Variants in DNAJB5 observed in about 807,000 individuals in gnomAD.
The protein encoded by DNAJB5 is dnaJ homolog subfamily B member 5.
Under a neutral mutation model 32.6 loss-of-function variants are expected in DNAJB5, and 12 were observed. The ratio of observed to expected loss-of-function variants is 0.37; its 90% CI spans 0.24 to 0.60. The LOEUF (loss-of-function observed/expected upper bound fraction) is 0.60. Ranked by LOEUF, DNAJB5 falls within the 20% of genes least tolerant of loss-of-function variation. DNAJB5 has a pLI of 0.71. For synonymous variants in DNAJB5, 188 were observed against 212.9 expected (o/e 0.88, Z 1.02); for missense variants, 358 against 554.2 (o/e 0.65, Z 3.55).
rs533709239 is a variant in DNAJB5, at chr9:34,993,306, C to T, written c.289C>T (p.Arg97Trp). ...CGAGGATGAGATCAAGAAAGCCTAC[C>T]GGAAGATGGCCTTGAAGTACCACCC... ...ANEDEIKKAY[R>W]KMALKYHPDK... The change falls in exon 3 of 5, where the codon CGG becomes TGG. Residue 97 changes from arginine (R) to tryptophan (W), a missense_variant. Physicochemically the swap from Arg to Trp is moderately radical, Grantham distance 101. Transcript: ENST00000682809. The surrounding 1 kb of genome is among the most constrained non-coding windows in gnomAD (Gnocchi z 4.7). 3 of 1,613,966 alleles carry T rather than the reference C, an allele frequency of 1.9e-6. No homozygotes were observed.
Position 34,990,436 on chromosome 9 carries a change from T to C in DNAJB5, c.-132-63T>C, listed in dbSNP as rs1046301857. On this transcript the variant is annotated intron_variant, in intron 1 of 4. Transcript: ENST00000682809. This position sits in a 1 kb window ranked among gnomAD's most constrained non-coding sequence, Gnocchi z 4.5. ...CAGCCGCTCACAGCCAGCCAGACAC[T>C]GCTGCACCTGAGAGCAGGTGGCCGC... 1 of 1,533,242 alleles carries C rather than the reference T, an allele frequency of 6.5e-7. No homozygotes were observed. The highest frequency in any genetic ancestry group is 8.7e-7 in the Non-Finnish European group (1 of 1,145,482). The allele number at this position is 1,533,242 out of a possible 1,614,324, so 95.0% of individuals were successfully genotyped here. A position where few individuals can be genotyped will look rare whatever the true frequency, so the allele number is the denominator to read the frequency against.
rs1009028374 is a variant in DNAJB5, at chr9:34,990,547, A to T, written c.-84A>T. The T allele has an allele frequency of 1.5e-5, 23 of 1,548,694 alleles. No individual in the cohort carries two copies. The highest frequency in any genetic ancestry group is 2.7e-5 in the African/African-American group (2 of 73,000). ...AGGCCTTGCTGGGCACGCGCCTCTG[A>T]GAGTCCAAGGAGGTGGCTTCCAGAG... is the stretch of plus-strand genomic sequence containing the variant. On this transcript the variant is annotated 5_prime_UTR_variant, in exon 2 of 5. Transcript: ENST00000682809. This position sits in a 1 kb window ranked among gnomAD's most constrained non-coding sequence, Gnocchi z 4.5.
In DNAJB5 at chr9:34,993,224, A is replaced by G; in HGVS notation, c.207A>G (p.Pro69=). 1 of 1,613,964 alleles carries G rather than the reference A, an allele frequency of 6.2e-7. No individual in the cohort carries two copies. Among genetic ancestry groups the G allele is most frequent in the Middle Eastern group, 1.6e-4 (1 of 6,062 alleles). Residue 69 remains proline, a synonymous_variant, in exon 3 of 5, where the codon CCA becomes CCG. Transcript: ENST00000682809. The surrounding 1 kb of genome is among the most constrained non-coding windows in gnomAD (Gnocchi z 4.7). ...KFRNKETSAG[P]VAVMGKDYYK... ...GAAACAAGGAGACCAGTGCTGGTCC[A>G]GTGGCTGTGATGGGAAAAGATTATT...
chr9:34,990,120 C>A lies in DNAJB5; in HGVS notation c.-133+289C>A. ...CTGTGAGCAGACCAGCCAGCCAGCG[C>A]GGGTGACATCACCGACCACCCTCCC... On this transcript the variant is annotated intron_variant, in intron 1 of 4. Coordinates refer to ENST00000682809, the MANE Select transcript of DNAJB5 (RefSeq NM_001349723.3). This position sits in a 1 kb window ranked among gnomAD's most constrained non-coding sequence, Gnocchi z 4.5. 1.3e-6 allele frequency: 1 copy of A among 784,020 alleles called. No homozygotes were observed. Among genetic ancestry groups the A allele is most frequent in the Non-Finnish European group, 1.9e-6 (1 of 519,314 alleles). The allele number at this position is 784,020 out of a possible 1,614,324, so 48.6% of individuals were successfully genotyped here. A position where few individuals can be genotyped will look rare whatever the true frequency, so the allele number is the denominator to read the frequency against.
rs777755765 is a variant in DNAJB5 at position 34,990,430 on chromosome 9, A to T, written c.-132-69A>T. The T allele has an allele frequency of 1.3e-4, 201 of 1,532,708 alleles. No homozygotes were observed. The highest frequency in any genetic ancestry group is 1.7e-4 in the Non-Finnish European group (194 of 1,145,228). The allele number at this position is 1,532,708 out of a possible 1,614,324, so 94.9% of individuals were successfully genotyped here. A position where few individuals can be genotyped will look rare whatever the true frequency, so the allele number is the denominator to read the frequency against. On this transcript the variant is annotated intron_variant, in intron 1 of 4. Transcript: ENST00000682809. This position sits in a 1 kb window ranked among gnomAD's most constrained non-coding sequence, Gnocchi z 4.5. ...GCCATACAGCCGCTCACAGCCAGCCAGACACTGCTGCACCTGAGAGCAGGT... is the reference window on the plus strand; with the variant it reads ...GCCATACAGCCGCTCACAGCCAGCCTGACACTGCTGCACCTGAGAGCAGGT...
chr9:34,990,905 C>A lies in DNAJB5; in HGVS notation c.182+93C>A. The A allele has an allele frequency of 7.6e-7, 1 of 1,313,366 alleles. No homozygotes were observed. Among genetic ancestry groups the A allele is most frequent in the Non-Finnish European group, 1.0e-6 (1 of 968,610 alleles). 81.4% of individuals were successfully genotyped at this position (1,313,366 alleles called of 1,614,324 possible). On this transcript the variant is annotated intron_variant, in intron 2 of 4. Coordinates refer to ENST00000682809, the MANE Select transcript of DNAJB5 (RefSeq NM_001349723.3). This position sits in a 1 kb window ranked among gnomAD's most constrained non-coding sequence, Gnocchi z 4.5. Reference sequence around the variant, plus strand: ...CATTGCCTTCCTGCTTCCTCCAACTCATCCTCATCCCCTCTGTGACATACA... The same window carrying A: ...CATTGCCTTCCTGCTTCCTCCAACTAATCCTCATCCCCTCTGTGACATACA...
downstream of DNAJB5, chr9:34,998,649 C>G: frequency 6.6e-6 from 1 of 152,048 alleles, no homozygotes; most frequent in East Asian, 1.9e-4. Flanking sequence ...GAAGAAACAT[C>G]TATTTGGGAA....
At position 34,997,533 on chromosome 9, in the gene DNAJB5, A is replaced by G. The variant is rs971655326; in HGVS notation, c.*274A>G. ...ATCCAGTTTCCACTGCAGTGGCTGGAGAGTGACCTGAGTGCTACTTGAAGA... is the reference window on the plus strand; with the variant it reads ...ATCCAGTTTCCACTGCAGTGGCTGGGGAGTGACCTGAGTGCTACTTGAAGA... On this transcript the variant is annotated 3_prime_UTR_variant, in exon 5 of 5. Transcript: ENST00000682809. The surrounding 1 kb of genome is among the most constrained non-coding windows in gnomAD (Gnocchi z 4.1). The G allele has an allele frequency of 1.7e-5, 10 of 581,098 alleles. No individual in the cohort carries two copies. The highest frequency in any genetic ancestry group is 3.2e-5 in the Non-Finnish European group (10 of 316,440). 36.0% of individuals were successfully genotyped at this position (581,098 alleles called of 1,614,324 possible).
Position 34,990,790 on chromosome 9 carries a change from C to A in DNAJB5, c.160C>A (p.Leu54Met). The A allele has an allele frequency of 6.4e-7, 1 of 1,551,472 alleles. No individual in the cohort carries two copies. Among genetic ancestry groups the A allele is most frequent in the Non-Finnish European group, 8.7e-7 (1 of 1,146,882 alleles). Reference sequence around the variant, plus strand: ...GCCCTTAAAACTTCGAGCGTGGACGCTGAATGGGTTTGTAAAGTTTCGGTA... The same window carrying A: ...GCCCTTAAAACTTCGAGCGTGGACGATGAATGGGTTTGTAAAGTTTCGGTA... ...LEPLKLRAWT[L>M]NGFVKFRNKE... Residue 54 changes from leucine to methionine, a missense_variant, in exon 2 of 5, where the codon CTG becomes ATG. Physicochemically the swap from Leu to Met is conservative, Grantham distance 15. Around this residue, in one of 2 missense-constraint regions of DNAJB5, gnomAD observed 110 missense variants for 111.7 expected, o/e 0.99. Coordinates refer to ENST00000682809, the MANE Select transcript of DNAJB5 (RefSeq NM_001349723.3). The surrounding 1 kb of genome is among the most constrained non-coding windows in gnomAD (Gnocchi z 4.5).
chr9:34,991,075 T>C, intron 2 of DNAJB5: 1 of 524,864 alleles, frequency 1.9e-6, no homozygotes, highest in Non-Finnish European at 3.5e-6. Flanking sequence ...AACCCATCAT[T>C]AACCCATTTT....
Position 34,993,276 on chromosome 9 carries a change from G to A in DNAJB5, c.259G>A (p.Ala87Thr), listed in dbSNP as rs749922344. Residue 87 changes from alanine to threonine, a missense_variant, in exon 3 of 5, where the codon GCC (alanine) becomes ACC (threonine). Ala to Thr is a moderately conservative substitution (Grantham distance 58). Coordinates refer to ENST00000682809, the MANE Select transcript of DNAJB5 (RefSeq NM_001349723.3). The surrounding 1 kb of genome is among the most constrained non-coding windows in gnomAD (Gnocchi z 4.7). Reference sequence around the variant, plus strand: ...CAAGATTCTTGGGATCCCATCGGGGGCCAACGAGGATGAGATCAAGAAAGC... The same window carrying A: ...CAAGATTCTTGGGATCCCATCGGGGACCAACGAGGATGAGATCAAGAAAGC... Reference protein sequence around the residue: ...YYKILGIPSGANEDEIKKAYR... With the variant: ...YYKILGIPSGTNEDEIKKAYR... 3 of 1,614,180 alleles carry A rather than the reference G, an allele frequency of 1.9e-6. No homozygotes were observed. The highest frequency in any genetic ancestry group is 2.5e-6 in the Non-Finnish European group (3 of 1,180,036).
chr9:34,993,282 G>A lies in DNAJB5; in HGVS notation c.265G>A (p.Glu89Lys), dbSNP rs1224308113. ...TCTTGGGATCCCATCGGGGGCCAACGAGGATGAGATCAAGAAAGCCTACCG... is the reference window on the plus strand; with the variant it reads ...TCTTGGGATCCCATCGGGGGCCAACAAGGATGAGATCAAGAAAGCCTACCG... ...KILGIPSGAN[E>K]DEIKKAYRKM... The change falls in exon 3 of 5, where the codon GAG (glutamate) becomes AAG (lysine). Residue 89 changes from glutamate (E) to lysine (K), a missense_variant. Glu to Lys is a moderately conservative substitution (Grantham distance 56). Transcript: ENST00000682809. This position sits in a 1 kb window ranked among gnomAD's most constrained non-coding sequence, Gnocchi z 4.7. 3.1e-6 allele frequency: 5 copies of A among 1,614,170 alleles called. No individual in the cohort carries two copies. Among genetic ancestry groups the A allele is most frequent in the Non-Finnish European group, 3.4e-6 (4 of 1,180,038 alleles).
rs892076220 is a variant in DNAJB5 at position 34,995,711 on chromosome 9, G to A, written c.428-554G>A. Among the ~76,000 whole-genome samples the A allele has an allele frequency of 5.9e-5, 9 of 152,332 alleles. No individual in the cohort carries two copies. The South Asian group carries it at 1.0e-3, about 18-fold the overall frequency. ...ACTTTTTAAGGCTTCCTGATTTCCC[G>A]TTTGAGCAGGGGCCAGGGAAAGAGG... On this transcript the variant is annotated intron_variant, in intron 3 of 4. Transcript: ENST00000682809.
intron 2 of DNAJB5, chr9:34,992,798 C>T (rs910917276): frequency 2.0e-6 from 2 of 1,024,920 alleles, no homozygotes; most frequent in Non-Finnish European, 2.3e-6. Context: ...TAGGAGACCA[C>T]GATGCTCAGG....
intron 3 of DNAJB5, among the ~76,000 whole-genome samples, chr9:34,995,888 G>C (rs889362900): frequency 3.9e-5 from 6 of 152,196 alleles, no homozygotes; most frequent in African/African-American, 1.4e-4. Context: ...AAAGATTTGG[G>C]AACCAAGTAT....
At position 34,992,624 on chromosome 9, in the gene DNAJB5, G is replaced by A. The variant is rs1012488618; in HGVS notation, c.183-576G>A. ...GGCTTAGCATCGTCAGAGGGGTGGG[G>A]GCGGGGAGGCCTGGGGTCTCCGATG... is the stretch of plus-strand genomic sequence containing the variant. On this transcript the variant is annotated intron_variant, in intron 2 of 4. Transcript: ENST00000682809. The A allele has an allele frequency of 1.3e-4, 25 of 188,970 alleles. 1 individual carries two copies. Among genetic ancestry groups the A allele is most frequent in the Non-Finnish European group, 2.0e-4 (20 of 100,628 alleles). 11.7% of individuals were successfully genotyped at this position (188,970 alleles called of 1,614,324 possible).
In DNAJB5 at chr9:34,996,279, G is replaced by A. The variant is rs760373162; in HGVS notation, c.442G>A (p.Gly148Ser). Residue 148 changes from glycine to serine, a missense_variant, in exon 4 of 5, where the codon GGT (glycine) becomes AGT (serine). Gly to Ser is a moderately conservative substitution (Grantham distance 56). Transcript: ENST00000682809. This position sits in a 1 kb window ranked among gnomAD's most constrained non-coding sequence, Gnocchi z 7.2. Reference protein sequence around the residue: ...QYGEEGLKTGGGTSGGSSGSF... With the variant: ...QYGEEGLKTGSGTSGGSSGSF... ...CTCCCCTCTAGGCCTGAAGACCGGC[G>A]GTGGCACATCAGGTGGCTCCAGTGG... 8.7e-6 allele frequency: 14 copies of A among 1,613,526 alleles called. No homozygotes were observed. Among genetic ancestry groups the A allele is most frequent in the Non-Finnish European group, 1.1e-5 (13 of 1,179,674 alleles).
intron 2 of DNAJB5, chr9:34,991,563 T>C (rs1054319003): frequency 7.8e-6 from 3 of 384,768 alleles, no homozygotes; most frequent in Middle Eastern, 8.7e-4. Flanking sequence ...GCTAGGGTTC[T>C]TTCCCAGTCC....
chr9:34,996,113 C>G lies in DNAJB5; in HGVS notation c.428-152C>G, dbSNP rs974429616. ...GAATGGAAGATAATCTTGCCAGAAG[C>G]CTTTCTTACTCTATTAGCCTGGCCC... On this transcript the variant is annotated intron_variant, in intron 3 of 4. Transcript: ENST00000682809. The surrounding 1 kb of genome is among the most constrained non-coding windows in gnomAD (Gnocchi z 7.2). 5 of 971,884 alleles carry G rather than the reference C, an allele frequency of 5.1e-6. No homozygotes were observed. In the African/African-American group the frequency reaches 8.2e-5, roughly 16 times the overall value. 60.2% of individuals were successfully genotyped at this position (971,884 alleles called of 1,614,324 possible).
Sources: allele counts gnomAD v4.1 joint callset (sites outside exome capture counted in the v4.1 genomes callset), GRCh38; gene constraint gnomAD v4.1.1; regional missense constraint gnomAD v4.1.1; non-coding constraint Gnocchi (gnomAD v3.1); transcripts MANE v1.5; gene names NCBI Gene and HGNC (gene_info 2026-07-23, HGNC 2026-07-21).